Variants in SLC25A21 observed in about 807,000 individuals in gnomAD.
The protein encoded by SLC25A21 is solute carrier family 25 member 21, also known as mitochondrial 2-oxodicarboxylate carrier.
SLC25A21 carries 47 observed loss-of-function variants against 43.8 expected under a neutral mutation model. That is an observed-to-expected ratio of 1.07 (90% CI 0.85 to 1.37). The LOEUF (loss-of-function observed/expected upper bound fraction) is 1.37. Among genes scored for constraint, SLC25A21 ranks in the 40% most tolerant of loss-of-function variants. SLC25A21 has a pLI of 0.00. For missense variants in SLC25A21, 352 were observed against 350.2 expected, an observed-to-expected ratio of 1.00 and a Z score of -0.04; for synonymous variants, 131 against 121.3, an observed-to-expected ratio of 1.08 and a Z score of -0.52.
chr14:37,086,062 G>A (rs1962480028), intron 1 of SLC25A21, among the ~76,000 whole-genome samples: 1 of 152,118 alleles, frequency 6.6e-6, no homozygotes, highest in Middle Eastern at 3.4e-3. Flanking sequence ...CTGAGATCAC[G>A]CCACTGCACT....
At chr14:37,052,054 A>G (rs926712068) in intron 1 of SLC25A21, among the ~76,000 whole-genome samples, 3 of 150,826 alleles carry the variant, frequency 2.0e-5, no homozygotes, top group African/African-American at 4.9e-5. Flanking sequence ...TTATGTTCCA[A>G]TCTTAGGTTA....
chr14:36,692,539 C>T (rs577323476), intron 7 of SLC25A21, among the ~76,000 whole-genome samples: 16 of 152,312 alleles, frequency 1.1e-4, no homozygotes, highest in Non-Finnish European at 1.5e-4. Flanking sequence ...CACCTGGCTT[C>T]GTTAGCTGGC....
intron 3 of SLC25A21, among the ~76,000 whole-genome samples, chr14:36,764,933 G>T (rs17105237): frequency 6.6e-6 from 1 of 152,086 alleles, no homozygotes. Flanking sequence ...ACAAGATTAC[G>T]GGCCATCTTG....
intron 1 of SLC25A21, among the ~76,000 whole-genome samples, chr14:37,117,966 T>C (rs1273986725): frequency 6.6e-6 from 1 of 152,140 alleles, no homozygotes; most frequent in Non-Finnish European, 1.5e-5. Context: ...AAAATGATTC[T>C]TTTTTGTATG....
At chr14:36,854,561 A>C (rs1889841386) in intron 2 of SLC25A21, among the ~76,000 whole-genome samples, 1 of 152,230 alleles carries the variant, frequency 6.6e-6, no homozygotes, top group Non-Finnish European at 1.5e-5. Flanking sequence ...TAAAGTAGAC[A>C]ATATGGTAAA....
At chr14:37,014,397 G>C (rs189677353) in intron 1 of SLC25A21, among the ~76,000 whole-genome samples, 1 of 152,182 alleles carries the variant, frequency 6.6e-6, no homozygotes, top group East Asian at 1.9e-4. Flanking sequence ...TTTTCCAGGA[G>C]CAGATTCCAT....
intron 1 of SLC25A21, among the ~76,000 whole-genome samples, chr14:36,971,807 C>T (rs145728841): frequency 2.0e-5 from 3 of 152,238 alleles, no homozygotes; most frequent in East Asian, 3.9e-4. Flanking sequence ...TGGTAATAGG[C>T]TTCTGAGAGA....
chr14:36,951,244 A>G (rs1414198639), intron 1 of SLC25A21, among the ~76,000 whole-genome samples: 1 of 152,156 alleles, frequency 6.6e-6, no homozygotes, highest in Non-Finnish European at 1.5e-5. Flanking sequence ...ACAAAAAAAA[A>G]AAAAAAACTA....
intron 2 of SLC25A21, among the ~76,000 whole-genome samples, chr14:36,869,288 A>G (rs990476118): frequency 3.3e-5 from 5 of 152,196 alleles, no homozygotes; most frequent in African/African-American, 1.2e-4. Context: ...TATTCTCCTG[A>G]TTGGGCCATG....
At chr14:36,918,830 AAG>A (rs546679912) in intron 1 of SLC25A21, among the ~76,000 whole-genome samples, 61 of 152,270 alleles carry the variant, frequency 4.0e-4, no homozygotes, top group African/African-American at 1.4e-3. Context: ...TGGGGAGAAA[AAG>A]AGAGAAGCTG....
intron 1 of SLC25A21, among the ~76,000 whole-genome samples, chr14:36,922,922 A>G (rs1892021800): frequency 6.6e-6 from 1 of 152,190 alleles, no homozygotes; most frequent in African/African-American, 2.4e-5. Flanking sequence ...AGTAAAATTT[A>G]CAATGCCCAG....
chr14:36,790,716 T>C (rs904140160), intron 3 of SLC25A21, among the ~76,000 whole-genome samples: 2 of 152,170 alleles, frequency 1.3e-5, no homozygotes, highest in African/African-American at 2.4e-5. Flanking sequence ...TTGGAAATCC[T>C]GTTTAAGATG....
chr14:36,704,459 C>T (rs924622879), intron 7 of SLC25A21, among the ~76,000 whole-genome samples: 4 of 152,044 alleles, frequency 2.6e-5, no homozygotes, highest in Admixed American at 6.5e-5. Flanking sequence ...GAGTTCGAGA[C>T]CAGCCTGACC....
chr14:36,678,155 C>G lies in SLC25A21; in HGVS notation c.*2503G>C. On this transcript the variant is annotated 3_prime_UTR_variant, in exon 10 of 10. Coordinates refer to ENST00000331299, the MANE Select transcript of SLC25A21 (RefSeq NM_030631.4). ...TCTTCCGGTCTGTGCTGTGCACAGT[C>G]TACATGGCAATGCGGTTCCACCACA... is the stretch of plus-strand genomic sequence containing the variant. 2.6e-6 allele frequency: 1 copy of G among 380,456 alleles called. No individual in the cohort carries two copies. The highest frequency in any genetic ancestry group is 4.9e-6 in the Non-Finnish European group (1 of 205,448). The allele number at this position is 380,456 out of a possible 1,614,324, so 23.6% of individuals were successfully genotyped here. A position where few individuals can be genotyped will look rare whatever the true frequency, so the allele number is the denominator to read the frequency against.
At chr14:36,818,556 C>T (rs1888528776) in intron 2 of SLC25A21, among the ~76,000 whole-genome samples, 1 of 152,218 alleles carries the variant, frequency 6.6e-6, no homozygotes, top group African/African-American at 2.4e-5. Flanking sequence ...ATTACACAGG[C>T]TAAGGCAAGA....
At chr14:36,687,933 T>C (rs1303421886) in intron 7 of SLC25A21, among the ~76,000 whole-genome samples, 1 of 152,212 alleles carries the variant, frequency 6.6e-6, no homozygotes, top group Non-Finnish European at 1.5e-5. Flanking sequence ...CCTCCATACT[T>C]CCTGGATGCG....
intron 1 of SLC25A21, among the ~76,000 whole-genome samples, chr14:37,043,014 T>C (rs1395725892): frequency 6.6e-6 from 1 of 152,198 alleles, no homozygotes. Flanking sequence ...TTCCAATTGA[T>C]TATTTCAGGA....
At chr14:36,797,333 G>T (rs1257922658) in intron 3 of SLC25A21, among the ~76,000 whole-genome samples, 1 of 152,082 alleles carries the variant, frequency 6.6e-6, no homozygotes, top group Admixed American at 6.5e-5. Context: ...ATCTAATGCT[G>T]TTGATATGTG....
intron 1 of SLC25A21, among the ~76,000 whole-genome samples, chr14:37,064,990 T>C (rs1305352916): frequency 1.3e-5 from 2 of 152,128 alleles, no homozygotes; most frequent in Non-Finnish European, 2.9e-5. Context: ...ATAAGACACA[T>C]TACCTGCTCT....
Sources: gnomAD v4.1 joint callset for allele counts (sites outside exome capture counted in the v4.1 genomes callset) on GRCh38, gnomAD v4.1.1 for gene constraint, MANE v1.5 for transcripts, NCBI Gene and HGNC (gene_info 2026-07-23, HGNC 2026-07-21) for gene names.